The following BCOR variants were observed in gnomAD, a reference collection of about 807,000 sequenced individuals.
BCOR encodes BCL-6 corepressor.
In BCOR, 10 loss-of-function variants were observed where a neutral mutation model predicts 86.7. That is an observed-to-expected ratio of 0.12 (90% CI 0.07 to 0.20). The LOEUF (loss-of-function observed/expected upper bound fraction) is 0.20, where lower values mean the gene tolerates loss of function less well. Among genes scored for constraint, BCOR ranks in the 10% least tolerant of loss-of-function variants. The probability of loss-of-function intolerance (pLI) is 1.00; values close to 1 mark genes in which losing one functional copy is unlikely to be tolerated. For missense variants in BCOR, 1,259 were observed against 1,452.1 expected (o/e 0.87, Z 2.16); for synonymous variants, 611 against 609.0 (o/e 1.00, Z -0.05).
intron 1 of BCOR, among the ~76,000 whole-genome samples, chrX:40,166,012 T>C (rs1331351904): frequency 8.9e-6 from 1 of 112,012 alleles, no homozygotes; most frequent in African/African-American, 3.2e-5. Flanking sequence ...CTTCATCGGA[T>C]CTTTCTCCAA....
intron 1 of BCOR, among the ~76,000 whole-genome samples, chrX:40,080,989 GCA>G (rs113541819): frequency 0.037 from 3,956 of 107,100 alleles, 69 homozygotes; most frequent in Middle Eastern, 0.085. Context: ...ACACACACGC[GCA>G]CACACACACA....
At chrX:40,122,932 G>A (rs1937507448) in intron 1 of BCOR, among the ~76,000 whole-genome samples, 1 of 111,602 alleles carries the variant, frequency 9.0e-6, no homozygotes, top group African/African-American at 3.3e-5. Flanking sequence ...CCCCGGGCCT[G>A]CCTGACGAGC....
At chrX:40,149,821 C>T (rs1245921244) in intron 1 of BCOR, among the ~76,000 whole-genome samples, 1 of 111,961 alleles carries the variant, frequency 8.9e-6, no homozygotes, top group Non-Finnish European at 1.9e-5. Context: ...ACAGGAATCC[C>T]AATGGCTCCG....
chrX:40,105,284 C>T (rs1937154731), intron 1 of BCOR, among the ~76,000 whole-genome samples: 1 of 111,136 alleles, frequency 9.0e-6, no homozygotes, highest in Admixed American at 9.3e-5. Flanking sequence ...GGCGCCGTTC[C>T]GAGAGCCGCG....
At chrX:40,155,873 G>A (rs1938282062) in intron 1 of BCOR, among the ~76,000 whole-genome samples, 1 of 112,963 alleles carries the variant, frequency 8.9e-6, no homozygotes, top group Admixed American at 9.2e-5. Flanking sequence ...GCGCGGAGCA[G>A]GAGGCGGTCG....
At chrX:40,086,683 G>A (rs183928376) in intron 1 of BCOR, among the ~76,000 whole-genome samples, 1 of 113,908 alleles carries the variant, frequency 8.8e-6, no homozygotes, top group Admixed American at 9.2e-5. Context: ...CTGAGGAGGC[G>A]CAGCGCTGCT....
At chrX:40,060,396 G>A (rs1362455578) in intron 10 of BCOR, among the ~76,000 whole-genome samples, 1 of 112,532 alleles carries the variant, frequency 8.9e-6, no homozygotes, top group Non-Finnish European at 1.9e-5. Context: ...GCATGGATCA[G>A]TGTTCCTTAG....
chrX:40,158,166 TAGGGCTCCGGGC>T (rs778057622), intron 1 of BCOR, among the ~76,000 whole-genome samples: 2 of 111,961 alleles, frequency 1.8e-5, no homozygotes, highest in Non-Finnish European at 3.8e-5. Context: ...CCCGTCCAGG[TAGGGCTCCGGGC>T]AGGGGGCCTG....
At chrX:40,123,915 G>A (rs1937517423) in intron 1 of BCOR, among the ~76,000 whole-genome samples, 1 of 110,957 alleles carries the variant, frequency 9.0e-6, no homozygotes, top group Non-Finnish European at 1.9e-5. Flanking sequence ...GCAAAACTCA[G>A]GCTGAATGTT....
intron 11 of BCOR, 39 bp downstream of exon 11, chrX:40,057,116 C>T: frequency 1.7e-6 from 2 of 1,203,767 alleles, no homozygotes; most frequent in Non-Finnish European, 2.2e-6. Flanking sequence ...GAAGCTTGGT[C>T]TCAGCAGAGC....
At chrX:40,117,981 T>TCTCTCC (rs1218999433) in intron 1 of BCOR, among the ~76,000 whole-genome samples, 13 of 103,147 alleles carry the variant, frequency 1.3e-4, no homozygotes, top group African/African-American at 4.4e-4. Flanking sequence ...TCTCTCTCTC[T>TCTCTCC]CCACCCCCCC....
chrX:40,060,483 G>A (rs1322589450), intron 10 of BCOR, among the ~76,000 whole-genome samples: 2 of 112,076 alleles, frequency 1.8e-5, no homozygotes, highest in East Asian at 5.6e-4. Flanking sequence ...TGAAGCTCTG[G>A]GCTCAGAAAG....
At chrX:40,065,173 C>T (rs1378845978) in intron 6 of BCOR, among the ~76,000 whole-genome samples, 1 of 112,009 alleles carries the variant, frequency 8.9e-6, no homozygotes, top group Non-Finnish European at 1.9e-5. Context: ...AAGTGACCCT[C>T]ACTCCTGGGG....
rs766249677 is a variant in BCOR, at chrX:40,125,972, G to A, written c.-40-48003C>T. Among the ~76,000 whole-genome samples the A allele has an allele frequency of 1.4e-4, 15 of 110,822 alleles. No individual in the cohort carries two copies. The East Asian group carries it at 4.3e-3, about 31-fold the overall frequency. ...CACGCCTGTAATCCCAGCACTTTGG[G>A]AGGCCGAGGCGGGCGGATCACGAGG... On this transcript the variant is annotated intron_variant, in intron 1 of 14. Coordinates refer to the BCOR transcript ENST00000342274.
At chrX:40,172,848 GCACTGA>G (rs1158091517) in intron 1 of BCOR, among the ~76,000 whole-genome samples, 2 of 112,887 alleles carry the variant, frequency 1.8e-5, no homozygotes, top group African/African-American at 6.4e-5. Flanking sequence ...GCACCCGGGA[GCACTGA>G]CACTGGGCGA....
intron 1 of BCOR, among the ~76,000 whole-genome samples, chrX:40,138,751 C>T (rs907057518): frequency 2.7e-5 from 3 of 110,199 alleles, no homozygotes; most frequent in African/African-American, 6.6e-5. Flanking sequence ...GACGGGGTTT[C>T]GCCATGTTGG....
At chrX:40,052,855 T>C (rs1430431828) in intron 14 of BCOR, among the ~76,000 whole-genome samples, 1 of 111,817 alleles carries the variant, frequency 8.9e-6, no homozygotes, top group Non-Finnish European at 1.9e-5. Flanking sequence ...TGAGCCACCG[T>C]GCCCGGCCAT....
chrX:40,143,006 T>C (rs1937956055), intron 1 of BCOR, among the ~76,000 whole-genome samples: 1 of 112,068 alleles, frequency 8.9e-6, no homozygotes, highest in African/African-American at 3.2e-5. Flanking sequence ...CCCTCTCGGG[T>C]TGAGCAAATG....
chrX:40,147,556 C>T (rs1602265381), intron 1 of BCOR, among the ~76,000 whole-genome samples: 1 of 112,954 alleles, frequency 8.9e-6, no homozygotes, highest in South Asian at 3.6e-4. Context: ...GGGAAGAGGC[C>T]GAGCTGACCC....
Sources: allele counts gnomAD v4.1 joint callset (sites outside exome capture counted in the v4.1 genomes callset), GRCh38; gene constraint gnomAD v4.1.1; transcripts MANE v1.5; gene names NCBI Gene and HGNC (gene_info 2026-07-23, HGNC 2026-07-21).